The following GRAMD1B variants were observed in gnomAD, a reference collection of about 807,000 sequenced individuals.
The protein encoded by GRAMD1B is GRAM domain containing 1B.
A neutral mutation model predicts 99.7 loss-of-function variants in GRAMD1B; 37 were observed. The observed-to-expected ratio is 0.37, with a 90% CI of 0.29 to 0.49. The LOEUF (loss-of-function observed/expected upper bound fraction) is 0.49. Ranked by LOEUF, GRAMD1B falls within the 20% of genes least tolerant of loss-of-function variation. The pLI, the probability that GRAMD1B is intolerant of heterozygous loss-of-function variation, is 0.98. For missense variants in GRAMD1B, 888 were observed against 1,009.2 expected, an observed-to-expected ratio of 0.88 and a Z score of 1.63; for synonymous variants, 427 against 387.6, an observed-to-expected ratio of 1.10 and a Z score of -1.19.
intron 1 of GRAMD1B, among the ~76,000 whole-genome samples, chr11:123,445,277 C>T (rs1298141382): frequency 2.6e-5 from 4 of 152,170 alleles, no homozygotes; most frequent in Non-Finnish European, 4.4e-5. Flanking sequence ...AGGCTGACCC[C>T]TCAGAGCAAT....
chr11:123,466,008 G>A (rs1950639253), intron 1 of GRAMD1B, among the ~76,000 whole-genome samples: 1 of 152,064 alleles, frequency 6.6e-6, no homozygotes, highest in South Asian at 2.1e-4. Context: ...GGGCATGGTG[G>A]CTCACGCCTG....
At chr11:123,414,820 G>A (rs1415646852) in intron 1 of GRAMD1B, among the ~76,000 whole-genome samples, 1 of 152,162 alleles carries the variant, frequency 6.6e-6, no homozygotes, top group Non-Finnish European at 1.5e-5. Flanking sequence ...TTGAGATAAT[G>A]AGCAAATCTC....
intron 3 of GRAMD1B, among the ~76,000 whole-genome samples, chr11:123,581,555 G>A (rs961944571): frequency 2.0e-5 from 3 of 152,150 alleles, no homozygotes; most frequent in Non-Finnish European, 4.4e-5. Context: ...GGACAGGCTC[G>A]GGGGCTGCTT....
chr11:123,405,104 A>G (rs919495733), intron 1 of GRAMD1B, among the ~76,000 whole-genome samples: 2 of 152,118 alleles, frequency 1.3e-5, no homozygotes, highest in African/African-American at 4.8e-5. Context: ...AGAGAGGGAG[A>G]GAATTTGGTA....
At chr11:123,572,939 G>A (rs191681338) in intron 2 of GRAMD1B, among the ~76,000 whole-genome samples, 177 of 150,486 alleles carry the variant, frequency 1.2e-3, no homozygotes, top group Middle Eastern at 0.011. Flanking sequence ...AAGAGGCCCC[G>A]ATGGCTGGGG....
At chr11:123,584,197 C>A in intron 3 of GRAMD1B, 115 bp from the exon 4 acceptor site, 1 of 647,690 alleles carries the variant, frequency 1.5e-6, no homozygotes, top group South Asian at 1.7e-5. Context: ...CATTCAGCTG[C>A]ATTTGGACCC....
rs1441154280 is a variant in GRAMD1B, at chr11:123,555,656, T to C, written c.453-21711T>C. On this transcript the variant is annotated intron_variant, in intron 2 of 19. Coordinates refer to ENST00000635736, the MANE Select transcript of GRAMD1B (RefSeq NM_001387025.1). ...GAGCCACTGTGCCCAGTGGAAAAGA[T>C]GGATTTTTAGAAATAACTGTAGGAT... Among the ~76,000 whole-genome samples the C allele has an allele frequency of 5.3e-5, 8 of 151,322 alleles. No individual in the cohort carries two copies. The South Asian group carries it at 8.4e-4, about 16-fold the overall frequency.
intron 12 of GRAMD1B, 62 bp from the exon 13 acceptor site, chr11:123,609,733 C>G: frequency 1.0e-6 from 1 of 1,003,090 alleles, no homozygotes; most frequent in Non-Finnish European, 1.5e-6. Context: ...GGAGGGGAAA[C>G]TTGGATTGGG....
intron 2 of GRAMD1B, among the ~76,000 whole-genome samples, chr11:123,542,616 T>C (rs1339355610): frequency 6.6e-6 from 1 of 152,208 alleles, no homozygotes; most frequent in African/African-American, 2.4e-5. Flanking sequence ...GGTCATTCTA[T>C]GCGGAGAGAA....
At chr11:123,415,970 C>T (rs1395681700) in intron 1 of GRAMD1B, among the ~76,000 whole-genome samples, 1 of 152,104 alleles carries the variant, frequency 6.6e-6, no homozygotes, top group Non-Finnish European at 1.5e-5. Flanking sequence ...ACTGAGGTTT[C>T]TTTAGTTTTT....
chr11:123,484,130 G>T (rs1235725220), intron 2 of GRAMD1B, among the ~76,000 whole-genome samples: 1 of 152,180 alleles, frequency 6.6e-6, no homozygotes, highest in African/African-American at 2.4e-5. Flanking sequence ...GCCCAGCACA[G>T]CCACCTTCCC....
At chr11:123,539,931 C>G (rs933885885) in intron 2 of GRAMD1B, among the ~76,000 whole-genome samples, 1 of 152,102 alleles carries the variant, frequency 6.6e-6, no homozygotes, top group Non-Finnish European at 1.5e-5. Flanking sequence ...TTAATTGATC[C>G]GCGAGTAGGA....
chr11:123,451,881 T>C (rs543412161), intron 1 of GRAMD1B, among the ~76,000 whole-genome samples: 8 of 152,290 alleles, frequency 5.3e-5, no homozygotes, highest in Non-Finnish European at 1.2e-4. Flanking sequence ...TCGCCCAGGC[T>C]GGAGTACAGT....
chr11:123,446,915 A>G (rs539498965), intron 1 of GRAMD1B, among the ~76,000 whole-genome samples: 2 of 152,130 alleles, frequency 1.3e-5, no homozygotes, highest in Non-Finnish European at 2.9e-5. Context: ...GAAGAAAGAA[A>G]GAAAAGAAAA....
chr11:123,549,230 T>A, intron 2 of GRAMD1B, among the ~76,000 whole-genome samples: 1 of 152,082 alleles, frequency 6.6e-6, no homozygotes, highest in Admixed American at 6.6e-5. Flanking sequence ...TTCTTAACAC[T>A]TGCAGAGCTG....
At chr11:123,503,408 T>G (rs999896495) in intron 2 of GRAMD1B, among the ~76,000 whole-genome samples, 1 of 152,192 alleles carries the variant, frequency 6.6e-6, no homozygotes, top group Non-Finnish European at 1.5e-5. Context: ...CTTGGAGGAC[T>G]GAGGGAACTC....
At chr11:123,524,857 A>G (rs901747303) in intron 2 of GRAMD1B, among the ~76,000 whole-genome samples, 25 of 152,192 alleles carry the variant, frequency 1.6e-4, no homozygotes, top group Non-Finnish European at 1.3e-4. Context: ...GTTGTCACCC[A>G]TCCGCATTAC....
At chr11:123,560,411 T>C in intron 2 of GRAMD1B, 2 of 1,177,196 alleles carry the variant, frequency 1.7e-6, no homozygotes, top group Non-Finnish European at 2.1e-6. Flanking sequence ...AGGGGAGTCA[T>C]GCTTAAAATG....
chr11:123,530,096 C>T (rs1368767758), intron 2 of GRAMD1B, among the ~76,000 whole-genome samples: 4 of 152,038 alleles, frequency 2.6e-5, no homozygotes, highest in East Asian at 1.9e-4. Context: ...TCTCCATGTT[C>T]GAGTGGGTGA....
Sources: gnomAD v4.1 joint callset for allele counts (sites outside exome capture counted in the v4.1 genomes callset) on GRCh38, gnomAD v4.1.1 for gene constraint, MANE v1.5 for transcripts, NCBI Gene and HGNC (gene_info 2026-07-23, HGNC 2026-07-21) for gene names.